CD8B: variants seen among roughly 807,000 people sequenced by gnomAD.
CD8B encodes the protein T-cell surface glycoprotein CD8 beta chain.
Under a neutral mutation model 24.2 loss-of-function variants are expected in CD8B, and 6 were observed. The observed-to-expected ratio is 0.25, with a 90% CI of 0.14 to 0.49. The LOEUF is 0.49. Ranked by LOEUF, CD8B falls within the 20% of genes least tolerant of loss-of-function variation. The pLI is 0.98. For missense variants in CD8B, 196 were observed against 271.3 expected (o/e 0.72, Z 1.95); for synonymous variants, 84 against 108.3 (o/e 0.78, Z 1.39).
rs973653128 is a variant in CD8B at position 86,840,936 on chromosome 2, C to T, written c.*1371G>A. 2.6e-5 allele frequency among the ~76,000 whole-genome samples: 4 copies of T among 152,092 alleles called. No individual in the cohort carries two copies. Among genetic ancestry groups the T allele is most frequent in the African/African-American group, 9.7e-5 (4 of 41,414 alleles). On this transcript the variant is annotated 3_prime_UTR_variant, in exon 6 of 6. Transcript: ENST00000390655. ...AACATTTCTTACATTCTGTGGTTGT[C>T]ACAGGTAACTGAACATAACCTGATT...
rs746569858 is a variant in CD8B at position 86,829,095 on chromosome 2, C to CTTTTTTTTT, written c.621-13386_621-13378dup. ...TTACCATTTTGGCATATGCTCTTTA[C>CTTTTTTTTT]TTTTTTTTTTTTTTTTTTTTTTGAG... On this transcript the variant is annotated intron_variant, in intron 5 of 5. Transcript: ENST00000331469. 8.5e-3 allele frequency among the ~76,000 whole-genome samples: 705 copies of CTTTTTTTTT among 82,954 alleles called. 36 individuals are homozygous for CTTTTTTTTT. Among genetic ancestry groups the CTTTTTTTTT allele is most frequent in the Middle Eastern group, 0.014 (1 of 70 alleles). The allele number at this position is 82,954 out of a possible 152,430, so 54.4% of individuals were successfully genotyped here.
rs1235522049 is a variant in CD8B at position 86,858,316 on chromosome 2, A to G, written c.144T>C (p.Ser48=). The stretch of plus-strand genomic sequence containing the variant: ...GTCTCAGCCAGTAGATGCGCATGTT[A>G]CTGAGGGAGATTTTAGCCTCGCAGG... ...MLSCEAKISL[S]NMRIYWLRQR... is the part of the protein sequence containing the mutation. Residue 48 remains serine, a synonymous_variant, in exon 2 of 6, where the codon AGT becomes AGC. Transcript: ENST00000390655. 3 of 1,613,954 alleles carry G rather than the reference A, an allele frequency of 1.9e-6. No homozygotes were observed. Among genetic ancestry groups the G allele is most frequent in the Non-Finnish European group, 2.5e-6 (3 of 1,179,868 alleles).
At chr2:86,845,297 C>G (rs540699417) in intron 4 of CD8B, among the ~76,000 whole-genome samples, 1 of 152,330 alleles carries the variant, frequency 6.6e-6, no homozygotes, top group Admixed American at 6.5e-5. Flanking sequence ...CTTAAACACA[C>G]CTGCTTGCCC....
chr2:86,846,879 A>G, intron 3 of CD8B, 106 bp from the exon 4 acceptor site: 5 of 628,354 alleles, frequency 8.0e-6, no homozygotes, highest in South Asian at 6.6e-5. Context: ...CCCACCTCCC[A>G]GAGAATACCA....
intron 5 of CD8B, among the ~76,000 whole-genome samples, chr2:86,820,964 C>G (rs879694913): frequency 1.6e-4 from 24 of 152,058 alleles, no homozygotes; most frequent in Non-Finnish European, 3.1e-4. Flanking sequence ...GGTTAATTCA[C>G]TTGCTCAGAG....
exon 6 of CD8B, chr2:86,815,590 G>A (rs1256141203): frequency 1.3e-5 from 19 of 1,429,882 alleles, no homozygotes; most frequent in Non-Finnish European, 1.6e-5. Flanking sequence ...CCACTCATCA[G>A]GACCTGTGCT....
chr2:86,821,124 T>C (rs968454630), intron 5 of CD8B, among the ~76,000 whole-genome samples: 1 of 151,508 alleles, frequency 6.6e-6, no homozygotes, highest in Non-Finnish European at 1.5e-5. Context: ...TAGGTACTCT[T>C]GAAAGGATCA....
chr2:86,823,157 C>T (rs72845702), intron 5 of CD8B, among the ~76,000 whole-genome samples: 22,779 of 152,016 alleles, frequency 0.15, 2,167 homozygotes, highest in Admixed American at 0.21. Context: ...TCCAGGTAAC[C>T]GCTATGATAT....
chr2:86,833,621 T>TTCCCTCCC (rs556673491), downstream of CD8B, among the ~76,000 whole-genome samples: 75 of 84,854 alleles, frequency 8.8e-4, no homozygotes, highest in Non-Finnish European at 1.7e-3. Context: ...CTCCCTCTTT[T>TTCCCTCCC]TCCCTCCCTC....
downstream of CD8B, chr2:86,815,553 G>A (rs1674199803): frequency 9.3e-7 from 1 of 1,072,646 alleles, no homozygotes. Context: ...CTGAGCGAGG[G>A]AGGAATCTGG....
intron 3 of CD8B, among the ~76,000 whole-genome samples, chr2:86,848,795 C>A (rs1206859790): frequency 1.3e-5 from 2 of 150,774 alleles, no homozygotes; most frequent in Admixed American, 1.3e-4. Context: ...GGACTCACCG[C>A]AACCTCTGCC....
chr2:86,838,621 C>T lies in CD8B; in HGVS notation c.*3686G>A, dbSNP rs1328474930. Reference sequence around the variant, plus strand: ...TCAGGAGATCCTCCCACCTCATCCTCCCTAATAGCTGGGACTACAGGCAAG... The same window carrying T: ...TCAGGAGATCCTCCCACCTCATCCTTCCTAATAGCTGGGACTACAGGCAAG... On this transcript the variant is annotated 3_prime_UTR_variant, in exon 6 of 6. Coordinates refer to ENST00000390655, the MANE Select transcript of CD8B (RefSeq NM_004931.5). 6.6e-6 allele frequency among the ~76,000 whole-genome samples: 1 copy of T among 152,106 alleles called. No homozygotes were observed. The highest frequency in any genetic ancestry group is 1.5e-5 in the Non-Finnish European group (1 of 68,022).
intron 5 of CD8B, among the ~76,000 whole-genome samples, chr2:86,830,548 C>CAGAGTG (rs1284687626): frequency 6.7e-6 from 1 of 150,322 alleles, no homozygotes; most frequent in East Asian, 2.0e-4. Context: ...GCCTAGGGGA[C>CAGAGTG]AGAGTGAGAC....
chr2:86,824,830 C>A (rs749787755), intron 5 of CD8B, among the ~76,000 whole-genome samples: 1 of 152,182 alleles, frequency 6.6e-6, no homozygotes. Context: ...TTCCCTGAAT[C>A]GCTTCCAGAA....
chr2:86,822,249 A>G (rs1242155771), intron 5 of CD8B: 5 of 804,584 alleles, frequency 6.2e-6, no homozygotes, highest in African/African-American at 1.8e-5. Context: ...AAAAAAAAAG[A>G]TGATATCTGT....
At position 86,842,213 on chromosome 2, in the gene CD8B, A is replaced by G. The variant is rs1218057004; in HGVS notation, c.*94T>C. The G allele has an allele frequency of 7.4e-6, 11 of 1,492,058 alleles. No individual in the cohort carries two copies. The Admixed American group carries it at 2.2e-4, about 30-fold the overall frequency. The allele number at this position is 1,492,058 out of a possible 1,614,324, so 92.4% of individuals were successfully genotyped here. On this transcript the variant is annotated 3_prime_UTR_variant, in exon 6 of 6. Transcript: ENST00000390655. ...AGCTTCAGCAGCCATTGAACTCTCC[A>G]GGGTTGAATGTGTCCCTTCTCTCAT...
chr2:86,830,094 C>T (rs573742496), intron 5 of CD8B, among the ~76,000 whole-genome samples: 2 of 152,158 alleles, frequency 1.3e-5, no homozygotes, highest in East Asian at 1.9e-4. Context: ...GACAAGGTCT[C>T]GCTCTGTCAC....
At chr2:86,822,252 A>G in intron 5 of CD8B, 1 of 826,844 alleles carries the variant, frequency 1.2e-6, no homozygotes, top group Non-Finnish European at 2.0e-6. Flanking sequence ...AAAAAAGATG[A>G]TATCTGTTTC....
At chr2:86,851,459 G>T (rs1255295642) in intron 3 of CD8B, among the ~76,000 whole-genome samples, 1 of 152,110 alleles carries the variant, frequency 6.6e-6, no homozygotes, top group African/African-American at 2.4e-5. Flanking sequence ...AATCGTTTAG[G>T]TGAAGGGGTC....
Sources: allele counts gnomAD v4.1 joint callset (sites outside exome capture counted in the v4.1 genomes callset), GRCh38; gene constraint gnomAD v4.1.1; transcripts MANE v1.5; gene names NCBI Gene and HGNC (gene_info 2026-07-23, HGNC 2026-07-21).